The following SGCZ variants were observed in gnomAD, a reference collection of about 807,000 sequenced individuals.
SGCZ encodes sarcoglycan zeta.
SGCZ carries 40 observed loss-of-function variants against 41.3 expected under a neutral mutation model. The ratio of observed to expected loss-of-function variants is 0.97; its 90% CI spans 0.75 to 1.26. The LOEUF is 1.26. Ranked by LOEUF, SGCZ falls within the 50% of genes most tolerant of loss-of-function variation. The pLI, the probability that SGCZ is intolerant of heterozygous loss-of-function variation, is 0.00. For missense variants in SGCZ, 552 were observed against 369.8 expected (o/e 1.49, Z -4.04); for synonymous variants, 206 against 137.5 (o/e 1.50, Z -3.49).
At chr8:15,089,903 A>G (rs1466615187) in intron 1 of SGCZ, among the ~76,000 whole-genome samples, 2 of 152,232 alleles carry the variant, frequency 1.3e-5, no homozygotes, top group Non-Finnish European at 1.5e-5. Context: ...CTAATGAGAA[A>G]GAACAATCAA....
chr8:14,925,653 A>G lies in SGCZ; in HGVS notation c.39+311932T>C, dbSNP rs551390058. 1.7e-4 allele frequency among the ~76,000 whole-genome samples: 26 copies of G among 152,332 alleles called. 1 individual carries two copies. The highest frequency in any genetic ancestry group is 1.4e-3 in the Admixed American group (21 of 15,300). Reference sequence around the variant, plus strand: ...GCACCAATCTAACGAATCCTTCAAGAAGCATCCTATGCCAGATCCAGTGTG... The same window carrying G: ...GCACCAATCTAACGAATCCTTCAAGGAGCATCCTATGCCAGATCCAGTGTG... On this transcript the variant is annotated intron_variant, in intron 1 of 7. Coordinates refer to ENST00000382080, the MANE Select transcript of SGCZ (RefSeq NM_139167.4).
chr8:14,802,095 C>A (rs2247039), intron 1 of SGCZ, among the ~76,000 whole-genome samples: 1 of 152,004 alleles, frequency 6.6e-6, no homozygotes, highest in African/African-American at 2.4e-5. Flanking sequence ...TGACGGGTTG[C>A]GTTAACTATG....
intron 2 of SGCZ, among the ~76,000 whole-genome samples, chr8:14,340,755 G>A (rs771021157): frequency 5.3e-5 from 8 of 152,046 alleles, no homozygotes; most frequent in Non-Finnish European, 1.2e-4. Flanking sequence ...TCTTTTTGGA[G>A]GTAACATGCT....
intron 1 of SGCZ, among the ~76,000 whole-genome samples, chr8:14,932,600 C>A (rs541781842): frequency 2.6e-5 from 4 of 151,848 alleles, no homozygotes; most frequent in African/African-American, 4.9e-5. Flanking sequence ...CTAAAAGAAC[C>A]ATTATCCTCA....
intron 1 of SGCZ, among the ~76,000 whole-genome samples, chr8:14,670,804 T>A (rs1808077906): frequency 6.6e-6 from 1 of 152,198 alleles, no homozygotes; most frequent in African/African-American, 2.4e-5. Flanking sequence ...GACCTAAAGG[T>A]GTTTAATTCC....
chr8:14,980,577 G>A (rs1801627238), intron 1 of SGCZ, among the ~76,000 whole-genome samples: 1 of 152,178 alleles, frequency 6.6e-6, no homozygotes, highest in African/African-American at 2.4e-5. Flanking sequence ...CATGGTGGAA[G>A]GCACAGAGGA....
chr8:14,431,098 A>C (rs1278867018), intron 2 of SGCZ, among the ~76,000 whole-genome samples: 1 of 152,220 alleles, frequency 6.6e-6, no homozygotes, highest in East Asian at 1.9e-4. Context: ...CAATATTGTG[A>C]AAATGACCTC....
intron 3 of SGCZ, among the ~76,000 whole-genome samples, chr8:14,316,293 CTT>C (rs1018428093): frequency 5.3e-5 from 8 of 151,858 alleles, no homozygotes; most frequent in Non-Finnish European, 1.2e-4. Flanking sequence ...TATTAGTAAA[CTT>C]AATTCAACAA....
At chr8:14,435,716 A>G (rs531982599) in intron 2 of SGCZ, among the ~76,000 whole-genome samples, 6 of 152,336 alleles carry the variant, frequency 3.9e-5, no homozygotes, top group African/African-American at 1.4e-4. Context: ...ATAAATCTCA[A>G]AGTAGACATT....
At chr8:14,707,775 T>C (rs1050631164) in intron 1 of SGCZ, among the ~76,000 whole-genome samples, 48 of 152,172 alleles carry the variant, frequency 3.2e-4, no homozygotes, top group African/African-American at 1.0e-3. Context: ...TTGGACCATG[T>C]CTCATTCCTA....
chr8:14,323,603 A>G (rs902932144), intron 3 of SGCZ, among the ~76,000 whole-genome samples: 1 of 152,048 alleles, frequency 6.6e-6, no homozygotes, highest in African/African-American at 2.4e-5. Flanking sequence ...ATGTGAACAC[A>G]CTCATATTTG....
intron 1 of SGCZ, among the ~76,000 whole-genome samples, chr8:15,066,979 G>C (rs1472924204): frequency 6.6e-6 from 1 of 152,130 alleles, no homozygotes; most frequent in Non-Finnish European, 1.5e-5. Context: ...GATAGGAATA[G>C]TTAATATCTA....
At chr8:14,628,950 C>T (rs936190963) in intron 1 of SGCZ, among the ~76,000 whole-genome samples, 2 of 152,130 alleles carry the variant, frequency 1.3e-5, no homozygotes, top group African/African-American at 2.4e-5. Context: ...TGATTCACCC[C>T]ATTTCTGAGT....
At chr8:14,635,710 G>A (rs1312984501) in intron 1 of SGCZ, among the ~76,000 whole-genome samples, 4 of 151,736 alleles carry the variant, frequency 2.6e-5, no homozygotes, top group East Asian at 1.9e-4. Context: ...GGTGGAAGCC[G>A]TGTTCCAACT....
chr8:14,910,807 C>T (rs1319739247), intron 1 of SGCZ, among the ~76,000 whole-genome samples: 2 of 151,826 alleles, frequency 1.3e-5, no homozygotes, highest in Non-Finnish European at 2.9e-5. Flanking sequence ...AATTATTCAG[C>T]TTGGCTTATA....
intron 1 of SGCZ, among the ~76,000 whole-genome samples, chr8:15,015,613 G>A (rs919128322): frequency 2.7e-5 from 4 of 150,630 alleles, no homozygotes; most frequent in Admixed American, 6.6e-5. Context: ...GCGTGAACCC[G>A]GGAGGCAGAG....
At chr8:14,934,919 G>C (rs1322581053) in intron 1 of SGCZ, among the ~76,000 whole-genome samples, 1 of 148,504 alleles carries the variant, frequency 6.7e-6, no homozygotes, top group Non-Finnish European at 1.5e-5. Flanking sequence ...TAATCTCCCA[G>C]TACTGAAAAA....
At chr8:14,574,096 T>C (rs1264272940) in intron 1 of SGCZ, among the ~76,000 whole-genome samples, 1 of 152,164 alleles carries the variant, frequency 6.6e-6, no homozygotes, top group Admixed American at 6.5e-5. Flanking sequence ...AGGAATGTGA[T>C]CAAGGGACTG....
At chr8:14,527,772 A>C (rs1802999373) in intron 2 of SGCZ, among the ~76,000 whole-genome samples, 1 of 152,250 alleles carries the variant, frequency 6.6e-6, no homozygotes, top group Admixed American at 6.5e-5. Context: ...AGATTAGAGT[A>C]TATTTCTTCA....
Sources: allele counts gnomAD v4.1 joint callset (sites outside exome capture counted in the v4.1 genomes callset), GRCh38; gene constraint gnomAD v4.1.1; transcripts MANE v1.5; gene names NCBI Gene and HGNC (gene_info 2026-07-23, HGNC 2026-07-21).